DLEC1: variants seen among roughly 807,000 people sequenced by gnomAD.
The protein encoded by DLEC1 is deleted in lung and esophageal cancer protein 1.
Under a neutral mutation model 198.1 loss-of-function variants are expected in DLEC1, and 146 were observed. The ratio of observed to expected loss-of-function variants is 0.74; its 90% CI spans 0.64 to 0.85. DLEC1 has a LOEUF of 0.85. Ranked by LOEUF, DLEC1 falls within the 40% of genes least tolerant of loss-of-function variation. The pLI, the probability that DLEC1 is intolerant of heterozygous loss-of-function variation, is 0.00. For synonymous variants in DLEC1, 897 were observed against 866.8 expected, an observed-to-expected ratio of 1.03 and a Z score of -0.61; for missense variants, 2,233 against 2,220.0, an observed-to-expected ratio of 1.01 and a Z score of -0.12.
chr3:38,049,578 G>A (rs2125583980), intron 2 of DLEC1, among the ~76,000 whole-genome samples: 1 of 152,320 alleles, frequency 6.6e-6, no homozygotes, highest in Non-Finnish European at 1.5e-5. Context: ...GAGCCACAGT[G>A]TTAGTATAGG....
intron 3 of DLEC1, among the ~76,000 whole-genome samples, chr3:38,060,276 A>G (rs1696610209): frequency 6.6e-6 from 1 of 152,218 alleles, no homozygotes; most frequent in South Asian, 2.1e-4. Flanking sequence ...AAGCCTGGGT[A>G]GAGAGGCAGA....
At chr3:38,052,107 G>T in intron 2 of DLEC1, 1 of 318,394 alleles carries the variant, frequency 3.1e-6, no homozygotes, top group African/African-American at 2.1e-5. Context: ...TAAGCAGCAT[G>T]GGCTCCTCGA....
chr3:38,057,203 G>A (rs1696419824), intron 2 of DLEC1, among the ~76,000 whole-genome samples: 1 of 152,228 alleles, frequency 6.6e-6, no homozygotes, highest in Admixed American at 6.5e-5. Context: ...GAACTACATG[G>A]ATCACAGCTG....
chr3:38,062,284 C>T lies in DLEC1; in HGVS notation c.789C>T (p.Phe263=), dbSNP rs755377750. The change falls in exon 4 of 37, where the codon TTC becomes TTT. Residue 263 remains phenylalanine (F), a synonymous_variant. Coordinates refer to ENST00000308059, the MANE Select transcript of DLEC1 (RefSeq NM_007335.4). ...CATGCAGGAAGAAGCTTGCTGAGTT[C>T]GAAGATGAGTTAGACCACACTGTGG... The part of the protein sequence containing the change: ...EDSCRKKLAE[F]EDELDHTVDS... The T allele has an allele frequency of 2.2e-5, 36 of 1,613,988 alleles. No individual in the cohort carries two copies. In the East Asian group the frequency reaches 4.0e-4, roughly 18 times the overall value.
rs749963574 is a variant in DLEC1 at position 38,100,418 on chromosome 3, G to A, written c.2857G>A (p.Ala953Thr). The A allele has an allele frequency of 4.3e-6, 7 of 1,612,116 alleles. No individual in the cohort carries two copies. Among genetic ancestry groups the A allele is most frequent in the Non-Finnish European group, 5.1e-6 (6 of 1,179,406 alleles). Residue 953 changes from alanine (A) to threonine (T), a missense_variant, in exon 19 of 37, where the codon GCC (alanine) becomes ACC (threonine). By Grantham distance (58) the Ala-to-Thr change is moderately conservative. Transcript: ENST00000308059. ...CCTGGAGCTGGAGGTGGAAAATGGT[G>A]CCTGGAGGTAAGGGTGCCGTGGGAA... Reference protein sequence around the residue: ...TVLELEVENGAWSYLPVYAEV... With the variant: ...TVLELEVENGTWSYLPVYAEV...
chr3:38,092,995 G>T, intron 11 of DLEC1, 115 bp downstream of exon 11: 1 of 987,088 alleles, frequency 1.0e-6, no homozygotes, highest in Non-Finnish European at 1.6e-6. Flanking sequence ...TGTCAGGAGC[G>T]CACATTAAGA....
At chr3:38,078,020 G>A (rs1421248337) in intron 6 of DLEC1, among the ~76,000 whole-genome samples, 2 of 152,190 alleles carry the variant, frequency 1.3e-5, no homozygotes, top group Non-Finnish European at 2.9e-5. Flanking sequence ...TGGTGGAACT[G>A]CCATCAATAA....
chr3:38,077,959 T>G (rs902125932), intron 6 of DLEC1, among the ~76,000 whole-genome samples: 1 of 152,208 alleles, frequency 6.6e-6, no homozygotes, highest in Admixed American at 6.5e-5. Context: ...GGCGGGCTAG[T>G]GGCTTGTACT....
chr3:38,072,144 G>A (rs1697353252), intron 6 of DLEC1, among the ~76,000 whole-genome samples: 1 of 152,206 alleles, frequency 6.6e-6, no homozygotes, highest in South Asian at 2.1e-4. Context: ...GTCAGGTGTG[G>A]TATCTGGAAT....
At chr3:38,063,392 G>T (rs1414271210) in intron 5 of DLEC1, among the ~76,000 whole-genome samples, 1 of 152,166 alleles carries the variant, frequency 6.6e-6, no homozygotes, top group Non-Finnish European at 1.5e-5. Context: ...GAGCACAGGG[G>T]TGTCGAGGCT....
chr3:38,079,680 G>C (rs1296190224), intron 6 of DLEC1, among the ~76,000 whole-genome samples: 1 of 152,208 alleles, frequency 6.6e-6, no homozygotes, highest in Non-Finnish European at 1.5e-5. Context: ...ACGTGGCTTA[G>C]GAGAAATCCC....
chr3:38,074,720 GA>G (rs1448195503), intron 6 of DLEC1, among the ~76,000 whole-genome samples: 1 of 152,150 alleles, frequency 6.6e-6, no homozygotes. Context: ...TTGGGCTAGA[GA>G]AAAAACTCTT....
chr3:38,121,889 GGCAGGCACCACTTGGAATTTCTGCAGA>G, intron 35 of DLEC1, 108 bp downstream of exon 35: 6 of 1,518,150 alleles, frequency 4.0e-6, no homozygotes, highest in Non-Finnish European at 5.3e-6. Context: ...TGGCTCCCAG[GGCAGGCACCACTTGGAATTTCTGCAGA>G]GCAGCCAGTC....
intron 6 of DLEC1, 38 bp downstream of exon 6, chr3:38,063,957 G>A: frequency 3.1e-6 from 4 of 1,292,902 alleles, no homozygotes; most frequent in Non-Finnish European, 4.2e-6. Context: ...CACCCCATCT[G>A]CTTTCTTATT....
chr3:38,055,500 C>T (rs971864369), intron 2 of DLEC1, among the ~76,000 whole-genome samples: 1 of 152,112 alleles, frequency 6.6e-6, no homozygotes, highest in African/African-American at 2.4e-5. Context: ...AGCTTAGAAT[C>T]AGGCATTGAA....
chr3:38,049,884 A>G (rs1248697608), intron 2 of DLEC1, among the ~76,000 whole-genome samples: 1 of 152,102 alleles, frequency 6.6e-6, no homozygotes, highest in Admixed American at 6.5e-5. Context: ...ACCGCCTGCT[A>G]AAGTCTCTGT....
chr3:38,049,173 A>C (rs1361599834), intron 2 of DLEC1, among the ~76,000 whole-genome samples: 1 of 152,092 alleles, frequency 6.6e-6, no homozygotes, highest in African/African-American at 2.4e-5. Flanking sequence ...TTTACCCAAG[A>C]ATGATATTAA....
At chr3:38,069,693 C>A (rs1256460939) in intron 6 of DLEC1, among the ~76,000 whole-genome samples, 1 of 152,188 alleles carries the variant, frequency 6.6e-6, no homozygotes, top group Non-Finnish European at 1.5e-5. Context: ...ACCACAGCTA[C>A]CATGTTTCAC....
chr3:38,051,456 G>A (rs757174876), intron 2 of DLEC1, among the ~76,000 whole-genome samples: 2 of 152,188 alleles, frequency 1.3e-5, no homozygotes, highest in East Asian at 1.9e-4. Flanking sequence ...CAAGTCAATG[G>A]GGCCATCGAG....
Sources: gnomAD v4.1 joint callset for allele counts (sites outside exome capture counted in the v4.1 genomes callset) on GRCh38, gnomAD v4.1.1 for gene constraint, MANE v1.5 for transcripts, NCBI Gene and HGNC (gene_info 2026-07-23, HGNC 2026-07-21) for gene names.